The following MISP variants were observed in gnomAD, a reference collection of about 807,000 sequenced individuals.
MISP encodes mitotic spindle positioning, also known as mitotic interactor and substrate of PLK1.
In MISP, 51 loss-of-function variants were observed where a neutral mutation model predicts 49.3. That is an observed-to-expected ratio of 1.03 (90% CI 0.83 to 1.31). The LOEUF (loss-of-function observed/expected upper bound fraction) is 1.31. Among genes scored for constraint, MISP ranks in the 50% most tolerant of loss-of-function variants. The pLI, the probability that MISP is intolerant of heterozygous loss-of-function variation, is 0.00. For synonymous variants in MISP, 444 were observed against 392.6 expected, an observed-to-expected ratio of 1.13 and a Z score of -1.55; for missense variants, 1,084 against 935.1, an observed-to-expected ratio of 1.16 and a Z score of -2.08.
At chr19:752,578 G>A (rs1322735030) in intron 1 of MISP, among the ~76,000 whole-genome samples, 5 of 151,952 alleles carry the variant, frequency 3.3e-5, no homozygotes, top group Admixed American at 6.6e-5. Context: ...GCAGGGGAGG[G>A]GGCCCAGTGG....
chr19:759,688 C>T (rs537491096), intron 2 of MISP, among the ~76,000 whole-genome samples: 1 of 152,302 alleles, frequency 6.6e-6, no homozygotes, highest in South Asian at 2.1e-4. Context: ...GCGTGAGCCA[C>T]CGCGCCCGGC....
intron 1 of MISP, among the ~76,000 whole-genome samples, chr19:753,306 C>T (rs1339948659): frequency 6.6e-6 from 1 of 152,160 alleles, no homozygotes; most frequent in Non-Finnish European, 1.5e-5. Flanking sequence ...AACACGGCTC[C>T]CCACGGTCTC....
chr19:761,723 A>G (rs944886922), intron 4 of MISP, 60 bp downstream of exon 4: 21 of 1,571,386 alleles, frequency 1.3e-5, no homozygotes, highest in Non-Finnish European at 1.8e-5. Context: ...GTGCCCCTGC[A>G]CACAGGGGCC....
chr19:762,628 G>A (rs886179574), intron 4 of MISP, among the ~76,000 whole-genome samples: 21 of 152,002 alleles, frequency 1.4e-4, no homozygotes, highest in African/African-American at 3.4e-4. Context: ...TATGGCACAC[G>A]TGTGTGGCCC....
chr19:761,510 G>A, intron 3 of MISP, 115 bp from the exon 4 acceptor site: 1 of 1,146,882 alleles, frequency 8.7e-7, no homozygotes, highest in Non-Finnish European at 1.3e-6. Context: ...CAGGGCAGGG[G>A]ATGCCTTCCA....
intron 3 of MISP, among the ~76,000 whole-genome samples, chr19:761,394 A>T (rs958693463): frequency 6.6e-6 from 1 of 152,020 alleles, no homozygotes; most frequent in Non-Finnish European, 1.5e-5. Flanking sequence ...TAAATTAAAT[A>T]AATCATGAAT....
rs1477344942 is a variant in MISP, at chr19:758,101, C to T, written c.1155C>T (p.Pro385=). The change falls in exon 2 of 5, where the codon CCC becomes CCT. Residue 385 remains proline (P), a synonymous_variant. Transcript: ENST00000215582. ...ASTPDWVSEG[P]QPGLRRALSS... Reference sequence around the variant, plus strand: ...CACCCGACTGGGTCTCGGAGGGTCCCCAGCCCGGACTCCGGAGAGCCCTCA... The same window carrying T: ...CACCCGACTGGGTCTCGGAGGGTCCTCAGCCCGGACTCCGGAGAGCCCTCA... 3 of 1,595,566 alleles carry T rather than the reference C, an allele frequency of 1.9e-6. No homozygotes were observed. Among genetic ancestry groups the T allele is most frequent in the Non-Finnish European group, 2.6e-6 (3 of 1,171,346 alleles).
intron 1 of MISP, among the ~76,000 whole-genome samples, chr19:754,202 C>T (rs1211214059): frequency 4.6e-5 from 7 of 152,116 alleles, no homozygotes; most frequent in African/African-American, 7.2e-5. Context: ...CGGTGGCTCA[C>T]GCCTGTAATC....
At chr19:756,333 A>G (rs1413283396) in intron 1 of MISP, among the ~76,000 whole-genome samples, 1 of 152,220 alleles carries the variant, frequency 6.6e-6, no homozygotes, top group Non-Finnish European at 1.5e-5. Context: ...TACAGAGGCC[A>G]GAGGGTGAAA....
In MISP at chr19:758,239, C is replaced by T. The variant is rs200924033; in HGVS notation, c.1293C>T (p.Pro431=). The stretch of plus-strand genomic sequence containing the variant: ...ATGCCTACCAGCCGTACCTGAGCCC[C>T]GGGACCCCCCAGCTAGAATTCTCAG... ...PPDAYQPYLS[P]GTPQLEFSAF... The change falls in exon 2 of 5, where the codon CCC becomes CCT. Residue 431 remains proline (P), a synonymous_variant. Coordinates refer to ENST00000215582, the MANE Select transcript of MISP (RefSeq NM_173481.4). The T allele has an allele frequency of 7.7e-5, 125 of 1,613,428 alleles. No individual in the cohort carries two copies. In the African/African-American group the frequency reaches 8.5e-4, roughly 11 times the overall value.
intron 3 of MISP, among the ~76,000 whole-genome samples, chr19:760,948 A>G (rs17604253): frequency 0.062 from 9,455 of 151,738 alleles, 312 homozygotes; most frequent in Middle Eastern, 0.1. Flanking sequence ...ATGAATTTTG[A>G]TGCCTTGTTG....
In MISP at chr19:754,595, C is replaced by A. The variant is rs1388370614; in HGVS notation, c.-57-2295C>A. ...TGAGCTGAGATCACGCTACCGCAGT[C>A]CAGCCTGTGCATCGCAGCGAGACTC... On this transcript the variant is annotated intron_variant, in intron 1 of 4. Coordinates refer to ENST00000215582, the MANE Select transcript of MISP (RefSeq NM_173481.4). Among the ~76,000 whole-genome samples the A allele has an allele frequency of 3.9e-5, 6 of 152,256 alleles. No individual in the cohort carries two copies. In the East Asian group the frequency reaches 1.2e-3, roughly 29 times the overall value.
rs542905734 is a variant in MISP, at chr19:754,079, A to T, written c.-57-2811A>T. On this transcript the variant is annotated intron_variant, in intron 1 of 4. Coordinates refer to ENST00000215582, the MANE Select transcript of MISP (RefSeq NM_173481.4). ...ACGCCTGTAATCCCTGCACTTTGGG[A>T]GGCCGAGGCAGGCGGATCACCTGAA... Among the ~76,000 whole-genome samples, 16 of 152,276 alleles carry T rather than the reference A, an allele frequency of 1.1e-4. 1 individual carries two copies. The South Asian group carries it at 3.3e-3, about 32-fold the overall frequency.
At chr19:763,464 G>C (rs2033706632) in intron 4 of MISP, 37 bp from the exon 5 acceptor site, 3 of 1,488,578 alleles carry the variant, frequency 2.0e-6, no homozygotes, top group Non-Finnish European at 2.8e-6. Flanking sequence ...GGTGTGGTAG[G>C]ACCTGGATCG....
chr19:757,366 G>A lies in MISP; in HGVS notation c.420G>A (p.Glu140=), dbSNP rs777823655. The A allele has an allele frequency of 6.8e-6, 11 of 1,612,834 alleles. No homozygotes were observed. Among genetic ancestry groups the A allele is most frequent in the Non-Finnish European group, 9.3e-6 (11 of 1,179,612 alleles). Residue 140 remains glutamate (E), a synonymous_variant, in exon 2 of 5, where the codon GAG becomes GAA. Transcript: ENST00000215582. ...ACCCCAGGAGGCTGTGTGACCTGGA[G>A]CGGGAGCGCTGGGCCGTCATCCAGG... ...DADPRRLCDL[E]RERWAVIQGQ... is the part of the protein sequence containing the mutation.
intron 1 of MISP, among the ~76,000 whole-genome samples, chr19:754,205 C>T (rs2033507784): frequency 6.6e-6 from 1 of 152,132 alleles, no homozygotes; most frequent in Admixed American, 6.5e-5. Flanking sequence ...TGGCTCACGC[C>T]TGTAATCCCA....
chr19:758,346 C>G lies in MISP; in HGVS notation c.1400C>G (p.Pro467Arg). Residue 467 changes from proline to arginine, a missense_variant, in exon 2 of 5, where the codon CCG becomes CGG. Physicochemically the swap from Pro to Arg is moderately radical, Grantham distance 103. Coordinates refer to ENST00000215582, the MANE Select transcript of MISP (RefSeq NM_173481.4). The stretch of plus-strand genomic sequence containing the variant: ...ACTTCACCAAAGGCCACGATGTCCC[C>G]GAGGCATCTCTCAGAATCCTCTGGA... ...AATSPKATMS[P>R]RHLSESSGKP... The G allele has an allele frequency of 1.2e-6, 2 of 1,614,150 alleles. No homozygotes were observed. Among genetic ancestry groups the G allele is most frequent in the East Asian group, 4.5e-5 (2 of 44,888 alleles).
intron 4 of MISP, among the ~76,000 whole-genome samples, chr19:762,915 T>C (rs2033696535): frequency 6.6e-6 from 1 of 152,124 alleles, no homozygotes; most frequent in Non-Finnish European, 1.5e-5. Context: ...CAAGGGATCC[T>C]CCCACCTCAG....
chr19:755,328 C>T (rs1048610555), intron 1 of MISP, among the ~76,000 whole-genome samples: 3 of 152,218 alleles, frequency 2.0e-5, no homozygotes, highest in East Asian at 3.9e-4. Flanking sequence ...ACAAGGTCCA[C>T]GGTGTTCCTT....
Sources: gnomAD v4.1 joint callset for allele counts (sites outside exome capture counted in the v4.1 genomes callset) on GRCh38, gnomAD v4.1.1 for gene constraint, MANE v1.5 for transcripts, NCBI Gene and HGNC (gene_info 2026-07-23, HGNC 2026-07-21) for gene names.